LDB2: variants seen among roughly 807,000 people sequenced by gnomAD.
The protein encoded by LDB2 is LIM domain binding 2.
A neutral mutation model predicts 44.3 loss-of-function variants in LDB2; 12 were observed. That is an observed-to-expected ratio of 0.27 (90% CI 0.17 to 0.44). The LOEUF (loss-of-function observed/expected upper bound fraction) is 0.44, where lower values mean the gene tolerates loss of function less well. LDB2 is among the 20% of genes least tolerant of loss of function. LDB2 has a pLI of 1.00. For synonymous variants in LDB2, 164 were observed against 174.8 expected (o/e 0.94, Z 0.49); for missense variants, 344 against 473.5 (o/e 0.73, Z 2.54).
rs1298930354 is a variant in LDB2 at position 16,533,127 on chromosome 4, GTGGGT to G, written c.616-21028_616-21024del. Among the ~76,000 whole-genome samples, 1 of 152,162 alleles carries G rather than the reference GTGGGT, an allele frequency of 6.6e-6. No individual in the cohort carries two copies. The highest frequency in any genetic ancestry group is 1.5e-5 in the Non-Finnish European group (1 of 68,040). On this transcript the variant is annotated intron_variant, in intron 5 of 7. Coordinates refer to ENST00000304523, the MANE Select transcript of LDB2 (RefSeq NM_001290.5). This position sits in a 1 kb window ranked among gnomAD's most constrained non-coding sequence, Gnocchi z 4.1. ...CCAGGAAACCTCTCAGTCCCATTCA[GTGGGT>G]TGGCTTGTTACCCTAGATGGAAGAG...
At chr4:16,692,118 CA>C (rs538823739) in intron 2 of LDB2, among the ~76,000 whole-genome samples, 20 of 143,468 alleles carry the variant, frequency 1.4e-4, no homozygotes, top group African/African-American at 2.3e-4. Flanking sequence ...CATCACGAGG[CA>C]AAAAAAAAAG....
chr4:16,736,468 A>G (rs1761936014), intron 2 of LDB2, among the ~76,000 whole-genome samples: 1 of 152,190 alleles, frequency 6.6e-6, no homozygotes, highest in Non-Finnish European at 1.5e-5. Context: ...CTAATGTAAC[A>G]TTTCGGGAGC....
At chr4:16,707,562 C>T (rs1754881962) in intron 2 of LDB2, among the ~76,000 whole-genome samples, 1 of 152,146 alleles carries the variant, frequency 6.6e-6, no homozygotes, top group Non-Finnish European at 1.5e-5. Flanking sequence ...TTATTCAATG[C>T]AATCTTCTCT....
At chr4:16,797,084 T>C (rs566298897) in intron 1 of LDB2, among the ~76,000 whole-genome samples, 1 of 152,310 alleles carries the variant, frequency 6.6e-6, no homozygotes, top group East Asian at 1.9e-4. Context: ...CAGTGGTTCC[T>C]TGGTATATGC....
At chr4:16,833,339 T>A (rs1784350445) in intron 1 of LDB2, among the ~76,000 whole-genome samples, 1 of 152,174 alleles carries the variant, frequency 6.6e-6, no homozygotes, top group Non-Finnish European at 1.5e-5. Flanking sequence ...TCAATAGACA[T>A]TTCTTAATAT....
chr4:16,777,484 T>C (rs1466872568), intron 1 of LDB2, among the ~76,000 whole-genome samples: 1 of 152,122 alleles, frequency 6.6e-6, no homozygotes, highest in Non-Finnish European at 1.5e-5. Context: ...AGGCTGAAGA[T>C]GAAGCTGGGG....
At chr4:16,838,233 A>G (rs1333406585) in intron 1 of LDB2, among the ~76,000 whole-genome samples, 1 of 152,216 alleles carries the variant, frequency 6.6e-6, no homozygotes, top group African/African-American at 2.4e-5. Flanking sequence ...TCCAGGTCCT[A>G]CGCTAGGAGA....
intron 5 of LDB2, among the ~76,000 whole-genome samples, chr4:16,583,812 A>T (rs562081294): frequency 3.0e-4 from 46 of 152,242 alleles, no homozygotes; most frequent in Admixed American, 2.2e-3. Flanking sequence ...AGACCTGAGG[A>T]TCATTCCCTG....
At chr4:16,580,643 C>T (rs1364163852) in intron 5 of LDB2, among the ~76,000 whole-genome samples, 4 of 152,116 alleles carry the variant, frequency 2.6e-5, no homozygotes, top group Admixed American at 6.5e-5. Context: ...AGCAGACTAC[C>T]CCAAATCATC....
At chr4:16,657,031 C>CA (rs1251688651) in intron 2 of LDB2, among the ~76,000 whole-genome samples, 2 of 152,142 alleles carry the variant, frequency 1.3e-5, no homozygotes, top group Non-Finnish European at 2.9e-5. Context: ...TCACAAAACT[C>CA]AGTAGGAATG....
chr4:16,556,023 C>T (rs1267887525), intron 5 of LDB2, among the ~76,000 whole-genome samples: 1 of 152,180 alleles, frequency 6.6e-6, no homozygotes, highest in East Asian at 1.9e-4. Flanking sequence ...TGTTCTTCCC[C>T]TGTTTCTCCT....
At chr4:16,894,648 G>A (rs1278344081) in intron 1 of LDB2, among the ~76,000 whole-genome samples, 1 of 152,166 alleles carries the variant, frequency 6.6e-6, no homozygotes, top group Non-Finnish European at 1.5e-5. Flanking sequence ...TAGGGAGAGT[G>A]AGAAGCAGAG....
chr4:16,780,597 G>A (rs1772979630), intron 1 of LDB2, among the ~76,000 whole-genome samples: 6 of 152,164 alleles, frequency 3.9e-5, no homozygotes, highest in Admixed American at 1.3e-4. Context: ...CTTGAAGAAT[G>A]CAAGCCAAGG....
chr4:16,751,473 C>G (rs537888662), intron 2 of LDB2, among the ~76,000 whole-genome samples: 1 of 152,142 alleles, frequency 6.6e-6, no homozygotes, highest in Non-Finnish European at 1.5e-5. Context: ...ACTTCTGATA[C>G]TATCAATTTG....
intron 1 of LDB2, among the ~76,000 whole-genome samples, chr4:16,780,695 C>T (rs540560362): frequency 9.2e-5 from 14 of 151,872 alleles, no homozygotes; most frequent in South Asian, 2.1e-4. Flanking sequence ...CAAGTTTATT[C>T]GCTCTGTGTT....
At chr4:16,512,175 C>T (rs1721992996) in intron 5 of LDB2, 71 bp from the exon 6 acceptor site, 1 of 1,367,532 alleles carries the variant, frequency 7.3e-7, no homozygotes, top group African/African-American at 1.4e-5. Context: ...ATGCTAACAG[C>T]TGGAATCAAG....
intron 1 of LDB2, among the ~76,000 whole-genome samples, chr4:16,887,273 T>G (rs1225541610): frequency 1.3e-5 from 2 of 152,002 alleles, no homozygotes; most frequent in Middle Eastern, 3.4e-3. Context: ...GCTTATGAAT[T>G]GACAGCACTG....
intron 2 of LDB2, among the ~76,000 whole-genome samples, chr4:16,722,595 C>T (rs780224425): frequency 1.3e-5 from 2 of 152,122 alleles, no homozygotes; most frequent in African/African-American, 4.8e-5. Flanking sequence ...AAGATGCCAT[C>T]GTATCCTAAA....
intron 2 of LDB2, among the ~76,000 whole-genome samples, chr4:16,644,727 G>A (rs1224803878): frequency 6.6e-6 from 1 of 152,154 alleles, no homozygotes; most frequent in African/African-American, 2.4e-5. Flanking sequence ...ACTGCACTTG[G>A]CCATGAACCA....
Sources: gnomAD v4.1 joint callset for allele counts (sites outside exome capture counted in the v4.1 genomes callset) on GRCh38, gnomAD v4.1.1 for gene constraint, Gnocchi (gnomAD v3.1) non-coding constraint, MANE v1.5 for transcripts, NCBI Gene and HGNC (gene_info 2026-07-23, HGNC 2026-07-21) for gene names.